Variants in NAALADL2 observed in about 807,000 individuals in gnomAD.
NAALADL2 encodes inactive N-acetylated-alpha-linked acidic dipeptidase-like protein 2.
A neutral mutation model predicts 87.2 loss-of-function variants in NAALADL2; 76 were observed. The ratio of observed to expected loss-of-function variants is 0.87; its 90% CI spans 0.72 to 1.05. The LOEUF (loss-of-function observed/expected upper bound fraction) is 1.05. Ranked by LOEUF, NAALADL2 falls within the 50% of genes least tolerant of loss-of-function variation. The pLI, the probability that NAALADL2 is intolerant of heterozygous loss-of-function variation, is 0.00. For missense variants in NAALADL2, 1,089 were observed against 945.8 expected (o/e 1.15, Z -1.99); for synonymous variants, 354 against 331.0 (o/e 1.07, Z -0.75).
intron 1 of NAALADL2, among the ~76,000 whole-genome samples, chr3:175,051,039 G>A (rs1755317626): frequency 6.6e-6 from 1 of 152,158 alleles, no homozygotes. Flanking sequence ...TATTGGGTCA[G>A]TATAAAAGTA....
chr3:175,223,286 A>G (rs1267711397), intron 2 of NAALADL2, among the ~76,000 whole-genome samples: 3 of 150,130 alleles, frequency 2.0e-5, no homozygotes, highest in Non-Finnish European at 4.4e-5. Flanking sequence ...TTCCACCACC[A>G]TATACCCCTA....
chr3:174,884,597 T>C (rs746811473), intron 1 of NAALADL2, among the ~76,000 whole-genome samples: 2 of 152,112 alleles, frequency 1.3e-5, no homozygotes, highest in South Asian at 2.1e-4. Flanking sequence ...GTGTGCAGGA[T>C]AGGCAAATCC....
chr3:175,260,164 A>T (rs2109882300), intron 4 of NAALADL2, among the ~76,000 whole-genome samples: 1 of 152,320 alleles, frequency 6.6e-6, no homozygotes, highest in Admixed American at 6.5e-5. Flanking sequence ...CTATATTTAC[A>T]AAGTAGTGAG....
At chr3:174,883,051 A>T (rs113672621) in intron 1 of NAALADL2, among the ~76,000 whole-genome samples, 3,875 of 152,004 alleles carry the variant, frequency 0.025, 145 homozygotes, top group African/African-American at 0.082. Context: ...TTGGAGTCCG[A>T]TGTTCAAGGG....
Position 175,245,234 on chromosome 3 carries a change from C to T in NAALADL2, c.819+11030C>T, listed in dbSNP as rs879084113. Among the ~76,000 whole-genome samples, 14 of 152,112 alleles carry T rather than the reference C, an allele frequency of 9.2e-5. 1 individual carries two copies. The South Asian group carries it at 1.7e-3, about 18-fold the overall frequency. The stretch of plus-strand genomic sequence containing the variant: ...ATTTTTAAATGTTGACCAAATAATA[C>T]GAAAGGACAGCTATATAATCTCTAA... On this transcript the variant is annotated intron_variant, in intron 3 of 13. Transcript: ENST00000454872.
At chr3:175,690,792 G>GTCAT (rs57110989) in intron 11 of NAALADL2, among the ~76,000 whole-genome samples, 52,786 of 151,570 alleles carry the variant, frequency 0.35, 14,018 homozygotes, top group African/African-American at 0.75. Context: ...GTATGAAAGT[G>GTCAT]TCATAGCATT....
At chr3:174,492,954 GC>G (rs773537117) in intron 1 of NAALADL2, among the ~76,000 whole-genome samples, 23 of 152,162 alleles carry the variant, frequency 1.5e-4, no homozygotes, top group South Asian at 4.1e-4. Flanking sequence ...ATTTCTTACT[GC>G]TGACTGTAGT....
intron 1 of NAALADL2, among the ~76,000 whole-genome samples, chr3:174,974,016 A>G (rs1487023222): frequency 6.6e-6 from 1 of 150,608 alleles, no homozygotes. Flanking sequence ...GGATTTTTCT[A>G]CAGTGACACA....
At chr3:175,464,118 G>A (rs1452801335) in intron 7 of NAALADL2, among the ~76,000 whole-genome samples, 1 of 152,062 alleles carries the variant, frequency 6.6e-6, no homozygotes, top group Non-Finnish European at 1.5e-5. Flanking sequence ...TTAAAGGGGT[G>A]AGCCAGCATG....
At chr3:174,490,800 G>GGTATTTA (rs1364637577) in intron 1 of NAALADL2, among the ~76,000 whole-genome samples, 91 of 152,100 alleles carry the variant, frequency 6.0e-4, no homozygotes, top group African/African-American at 2.2e-3. Flanking sequence ...TGAAGGAGAA[G>GGTATTTA]TTGGTGGGTT....
At chr3:175,787,293 G>T (rs1185010793) in intron 13 of NAALADL2, among the ~76,000 whole-genome samples, 1 of 152,050 alleles carries the variant, frequency 6.6e-6, no homozygotes, top group Non-Finnish European at 1.5e-5. Flanking sequence ...GGGCAATGGC[G>T]GGTGCCCCTC....
At chr3:175,514,801 T>C (rs1264825930) in intron 9 of NAALADL2, among the ~76,000 whole-genome samples, 5 of 152,194 alleles carry the variant, frequency 3.3e-5, no homozygotes, top group Non-Finnish European at 7.3e-5. Flanking sequence ...GAGTTAATAC[T>C]GAAAGGAATA....
chr3:175,194,923 T>A (rs962878393), intron 2 of NAALADL2, among the ~76,000 whole-genome samples: 5 of 151,786 alleles, frequency 3.3e-5, no homozygotes, highest in Middle Eastern at 3.2e-3. Flanking sequence ...ACAAGAGTCA[T>A]GCCATTTTGT....
At chr3:174,854,106 A>G (rs532265072) in intron 3 of NAALADL2, among the ~76,000 whole-genome samples, 4 of 152,310 alleles carry the variant, frequency 2.6e-5, no homozygotes, top group Non-Finnish European at 4.4e-5. Flanking sequence ...ACTATTCACA[A>G]TAGTCAAGAT....
At chr3:175,671,265 C>T (rs756331089) in intron 11 of NAALADL2, among the ~76,000 whole-genome samples, 3 of 151,718 alleles carry the variant, frequency 2.0e-5, no homozygotes, top group Non-Finnish European at 4.4e-5. Context: ...ATTAAAATAA[C>T]CTCTAAACTA....
At chr3:175,698,452 CATATATGTGTAT>C (rs1170687897) in intron 11 of NAALADL2, among the ~76,000 whole-genome samples, 3 of 92,708 alleles carry the variant, frequency 3.2e-5, no homozygotes, top group Non-Finnish European at 6.3e-5. Flanking sequence ...TGTATGTATA[CATATATGTGTAT>C]ATATGTGTGT....
chr3:175,351,005 G>GA (rs1763697462), intron 5 of NAALADL2, among the ~76,000 whole-genome samples: 2 of 151,684 alleles, frequency 1.3e-5, no homozygotes, highest in Non-Finnish European at 2.9e-5. Flanking sequence ...TTTCCTAAAG[G>GA]AAAAAAAGTA....
chr3:175,424,432 T>C (rs1716430433), intron 5 of NAALADL2, among the ~76,000 whole-genome samples: 1 of 152,196 alleles, frequency 6.6e-6, no homozygotes, highest in African/African-American at 2.4e-5. Flanking sequence ...AATTAATTTT[T>C]GTATAAGGTG....
intron 1 of NAALADL2, among the ~76,000 whole-genome samples, chr3:174,882,603 A>ACATATATGTGCATATG (rs1187571358): frequency 1.0e-4 from 14 of 134,870 alleles, no homozygotes; most frequent in Non-Finnish European, 1.8e-4. Context: ...ATATACACAT[A>ACATATATGTGCATATG]CATATATGTG....
Sources: allele counts gnomAD v4.1 joint callset (sites outside exome capture counted in the v4.1 genomes callset), GRCh38; gene constraint gnomAD v4.1.1; transcripts MANE v1.5; gene names NCBI Gene and HGNC (gene_info 2026-07-23, HGNC 2026-07-21).